The following BOLL variants were observed in gnomAD, a reference collection of about 807,000 sequenced individuals.
BOLL encodes the protein protein boule-like.
BOLL carries 23 observed loss-of-function variants against 44.4 expected under a neutral mutation model. That is an observed-to-expected ratio of 0.52 (90% CI 0.37 to 0.73). BOLL has a LOEUF of 0.73. Ranked by LOEUF, BOLL falls within the 30% of genes least tolerant of loss-of-function variation. BOLL has a pLI of 0.00. For synonymous variants in BOLL, 97 were observed against 110.8 expected (o/e 0.88, Z 0.78); for missense variants, 287 against 338.3 (o/e 0.85, Z 1.19).
At chr2:197,729,664 CA>C (rs1186961292) in intron 10 of BOLL, among the ~76,000 whole-genome samples, 2 of 152,062 alleles carry the variant, frequency 1.3e-5, no homozygotes, top group Non-Finnish European at 2.9e-5. Flanking sequence ...CCCTGACCCC[CA>C]AGCAGCCTAA....
At chr2:197,754,632 C>T (rs200958782) in intron 9 of BOLL, among the ~76,000 whole-genome samples, 2 of 151,826 alleles carry the variant, frequency 1.3e-5, no homozygotes, top group Non-Finnish European at 1.5e-5. Flanking sequence ...GAGAATCACT[C>T]GAACCTGGGA....
intron 9 of BOLL, among the ~76,000 whole-genome samples, chr2:197,751,454 A>G (rs1688249170): frequency 6.6e-6 from 1 of 152,208 alleles, no homozygotes; most frequent in Non-Finnish European, 1.5e-5. Context: ...AAAAAATGAT[A>G]AAAGGGATAT....
intron 6 of BOLL, among the ~76,000 whole-genome samples, chr2:197,770,883 C>T: frequency 6.6e-6 from 1 of 152,210 alleles, no homozygotes; most frequent in South Asian, 2.1e-4. Flanking sequence ...AATAGGAGCA[C>T]TTTTACACTG....
At position 197,729,434 on chromosome 2, in the gene BOLL, T is replaced by C. The variant is rs539892207; in HGVS notation, c.829-856A>G. Among the ~76,000 whole-genome samples the C allele has an allele frequency of 5.0e-3, 761 of 152,250 alleles. 7 individuals carry two copies. The highest frequency in any genetic ancestry group is 8.3e-3 in the South Asian group (40 of 4,830). ...GGCTTGATTAGGTAAACAAAGCAGCTGGGAAGCTCCAACTGGGTGGAGCCC... is the reference window on the plus strand; with the variant it reads ...GGCTTGATTAGGTAAACAAAGCAGCCGGGAAGCTCCAACTGGGTGGAGCCC... On this transcript the variant is annotated intron_variant, in intron 10 of 10. Coordinates refer to ENST00000392296, the MANE Select transcript of BOLL (RefSeq NM_033030.6).
At chr2:197,749,014 C>T (rs1281442945) in intron 9 of BOLL, among the ~76,000 whole-genome samples, 2 of 152,372 alleles carry the variant, frequency 1.3e-5, no homozygotes, top group East Asian at 3.9e-4. Flanking sequence ...GGGTGTCCCT[C>T]TGGGACGAAG....
chr2:197,728,196 T>C lies in BOLL; in HGVS notation c.*359A>G, dbSNP rs1314142876. 1 of 372,286 alleles carries C rather than the reference T, an allele frequency of 2.7e-6. No homozygotes were observed. The highest frequency in any genetic ancestry group is 2.1e-5 in the African/African-American group (1 of 48,074). 23.1% of individuals were successfully genotyped at this position (372,286 alleles called of 1,614,324 possible). On this transcript the variant is annotated 3_prime_UTR_variant, in exon 11 of 11. Transcript: ENST00000392296. ...AAATAATATGAAACATAACATCTAA[T>C]TGTTTGATAAGAAAAAATAACACAA...
At chr2:197,747,914 A>C (rs897233910) in intron 9 of BOLL, among the ~76,000 whole-genome samples, 5 of 152,172 alleles carry the variant, frequency 3.3e-5, no homozygotes, top group African/African-American at 1.2e-4. Flanking sequence ...GCAATGGGGA[A>C]AGGATTCCTT....
chr2:197,770,056 A>G (rs1351520160), intron 6 of BOLL, among the ~76,000 whole-genome samples: 1 of 152,182 alleles, frequency 6.6e-6, no homozygotes, highest in Non-Finnish European at 1.5e-5. Context: ...AATCTTAAGC[A>G]AAAAGAACAA....
In BOLL at chr2:197,754,750, A is replaced by AACACACACAC. The variant is rs142614771; in HGVS notation, c.729+1668_729+1677dup. ...CAAAAAACAAACAAAAAAACCCCAA[A>AACACACACAC]ACACACACACACACACACACACACA... is the stretch of plus-strand genomic sequence containing the variant. On this transcript the variant is annotated intron_variant, in intron 9 of 10. Transcript: ENST00000392296. Among the ~76,000 whole-genome samples the AACACACACAC allele has an allele frequency of 1.6e-3, 247 of 150,074 alleles. 3 individuals are homozygous for AACACACACAC. Among genetic ancestry groups the AACACACACAC allele is most frequent in the African/African-American group, 5.7e-3 (234 of 41,142 alleles).
chr2:197,741,431 C>T (rs547556713), intron 10 of BOLL, among the ~76,000 whole-genome samples: 35 of 152,154 alleles, frequency 2.3e-4, no homozygotes, highest in Middle Eastern at 3.4e-3. Flanking sequence ...GCTACAGTAA[C>T]CAAAACAGCA....
intron 9 of BOLL, among the ~76,000 whole-genome samples, chr2:197,754,736 CAAAA>C (rs913084824): frequency 7.4e-6 from 1 of 134,578 alleles, no homozygotes; most frequent in Non-Finnish European, 1.6e-5. Context: ...AAAAAACAAA[CAAAA>C]AAACCCCAAA....
rs181193774 is a variant in BOLL at position 197,771,184 on chromosome 2, C to T, written c.480+671G>A. Among the ~76,000 whole-genome samples the T allele has an allele frequency of 1.8e-3, 276 of 152,006 alleles. 5 individuals are homozygous for T. The highest frequency in any genetic ancestry group is 2.1e-4 in the South Asian group (1 of 4,822). ...TATGCAGCCATAAAAAGGATGAGTT[C>T]GTGTGCTTTGCAGGGATATGGATGA... On this transcript the variant is annotated intron_variant, in intron 6 of 10. Transcript: ENST00000392296.
In BOLL at chr2:197,762,586, T is replaced by C. The variant is rs112332642; in HGVS notation, c.552+3946A>G. On this transcript the variant is annotated intron_variant, in intron 7 of 10. Coordinates refer to ENST00000392296, the MANE Select transcript of BOLL (RefSeq NM_033030.6). ...CTGACCACAATGGAATAAAACAAGA[T>C]ATCAATAACAAGAAAAACATTCAAA... Among the ~76,000 whole-genome samples, 1,089 of 152,030 alleles carry C rather than the reference T, an allele frequency of 7.2e-3. 22 individuals carry two copies. The highest frequency in any genetic ancestry group is 0.025 in the African/African-American group (1,017 of 41,466).
At chr2:197,768,422 G>C (rs1314490258) in intron 6 of BOLL, among the ~76,000 whole-genome samples, 6 of 151,848 alleles carry the variant, frequency 4.0e-5, no homozygotes, top group Non-Finnish European at 7.4e-5. Flanking sequence ...GGATAGATGA[G>C]AGACTCCTGA....
intron 10 of BOLL, among the ~76,000 whole-genome samples, chr2:197,733,673 C>T (rs1687324332): frequency 1.3e-5 from 2 of 152,140 alleles, no homozygotes; most frequent in South Asian, 4.1e-4. Context: ...CTACAACTAT[C>T]TGATCTTTGA....
At chr2:197,757,224 T>G (rs1688556444) in intron 8 of BOLL, 129 bp downstream of exon 8, 6 of 699,230 alleles carry the variant, frequency 8.6e-6, no homozygotes, top group Middle Eastern at 4.1e-4. Context: ...GAAAATGAAC[T>G]GCCAAAAGAA....
intron 7 of BOLL, among the ~76,000 whole-genome samples, chr2:197,758,586 T>C (rs994969740): frequency 3.3e-5 from 5 of 152,168 alleles, no homozygotes; most frequent in African/African-American, 7.2e-5. Context: ...AATGTGGCTG[T>C]GTTCCAATAA....
chr2:197,758,401 G>A (rs1430965731), intron 7 of BOLL, among the ~76,000 whole-genome samples: 1 of 152,122 alleles, frequency 6.6e-6, no homozygotes, highest in Non-Finnish European at 1.5e-5. Flanking sequence ...AATGAAAGAA[G>A]CCTGTCACAA....
chr2:197,741,188 G>A (rs1319561778), intron 10 of BOLL, among the ~76,000 whole-genome samples: 6 of 152,032 alleles, frequency 3.9e-5, no homozygotes, highest in East Asian at 1.9e-4. Flanking sequence ...TCTTGAAGAC[G>A]TCCTTCACAT....
Sources: allele counts gnomAD v4.1 joint callset (sites outside exome capture counted in the v4.1 genomes callset), GRCh38; gene constraint gnomAD v4.1.1; transcripts MANE v1.5; gene names NCBI Gene and HGNC (gene_info 2026-07-23, HGNC 2026-07-21).